The following PRKCA variants were observed in gnomAD, a reference collection of about 807,000 sequenced individuals.
PRKCA encodes the protein protein kinase C alpha, also known as protein kinase C alpha type.
In PRKCA, 27 loss-of-function variants were observed where a neutral mutation model predicts 87.0. The ratio of observed to expected loss-of-function variants is 0.31; its 90% confidence interval spans 0.23 to 0.43. The LOEUF (loss-of-function observed/expected upper bound fraction) is 0.43, where lower values mean the gene tolerates loss of function less well. PRKCA is among the 20% of genes least tolerant of loss of function. The pLI is 1.00. For synonymous variants in PRKCA, 329 were observed against 311.1 expected, an observed-to-expected ratio of 1.06 and a Z score of -0.61; for missense variants, 518 against 852.3, an observed-to-expected ratio of 0.61 and a Z score of 4.88.
intron 8 of PRKCA, among the ~76,000 whole-genome samples, chr17:66,720,721 G>C (rs1469263843): frequency 6.6e-6 from 1 of 152,212 alleles, no homozygotes; most frequent in African/African-American, 2.4e-5. Context: ...TGTGAATACA[G>C]AGGACTTTCA....
At chr17:66,752,017 G>A (rs1007445313) in intron 13 of PRKCA, among the ~76,000 whole-genome samples, 3 of 152,194 alleles carry the variant, frequency 2.0e-5, no homozygotes, top group African/African-American at 7.2e-5. Flanking sequence ...CTCCAGCACT[G>A]GGGATTACAT....
At chr17:66,418,692 C>T (rs943607891) in intron 2 of PRKCA, among the ~76,000 whole-genome samples, 2 of 152,032 alleles carry the variant, frequency 1.3e-5, no homozygotes, top group Non-Finnish European at 2.9e-5. Flanking sequence ...CAGCCCCAGC[C>T]TCCTAAAGTG....
intron 3 of PRKCA, among the ~76,000 whole-genome samples, chr17:66,560,087 A>T (rs1968632628): frequency 6.6e-6 from 1 of 152,156 alleles, no homozygotes; most frequent in Admixed American, 6.5e-5. Context: ...CTCAGAAGTG[A>T]GGATGTGTTC....
chr17:66,803,930 A>T lies in PRKCA; in HGVS notation c.1912A>T (p.Thr638Ser). Reference sequence around the variant, plus strand: ...CTTCACACGAGGACAGCCCGTCTTAACACCACCTGATCAGCTGGTTATTGC... The same window carrying T: ...CTTCACACGAGGACAGCCCGTCTTATCACCACCTGATCAGCTGGTTATTGC... Reference protein sequence around the residue: ...KFFTRGQPVLTPPDQLVIANI... With the variant: ...KFFTRGQPVLSPPDQLVIANI... The change falls in exon 17 of 17, where the codon ACA becomes TCA. Residue 638 changes from threonine to serine, a missense_variant. Transcript: ENST00000413366. The surrounding 1 kb of genome is among the most constrained non-coding windows in gnomAD (Gnocchi z 4.4). 1 of 1,614,046 alleles carries T rather than the reference A, an allele frequency of 6.2e-7. No homozygotes were observed. The highest frequency in any genetic ancestry group is 8.5e-7 in the Non-Finnish European group (1 of 1,179,942).
chr17:66,473,478 C>A (rs1459125107), intron 2 of PRKCA, among the ~76,000 whole-genome samples: 1 of 152,200 alleles, frequency 6.6e-6, no homozygotes, highest in Non-Finnish European at 1.5e-5. Flanking sequence ...AAGAGGGTGT[C>A]TTGCAGCCTA....
chr17:66,388,829 C>T (rs1465475294), intron 2 of PRKCA, among the ~76,000 whole-genome samples: 1 of 152,114 alleles, frequency 6.6e-6, no homozygotes, highest in East Asian at 1.9e-4. Context: ...GAGTTGGAGA[C>T]AGTGTACCAG....
intron 3 of PRKCA, among the ~76,000 whole-genome samples, chr17:66,595,487 TC>T (rs1969947552): frequency 6.8e-6 from 1 of 147,838 alleles, no homozygotes; most frequent in Admixed American, 6.8e-5. Flanking sequence ...TTTGAGACAG[TC>T]TTGCTCTGTC....
At chr17:66,592,222 C>CTGT (rs899989955) in intron 3 of PRKCA, among the ~76,000 whole-genome samples, 1 of 151,166 alleles carries the variant, frequency 6.6e-6, no homozygotes, top group African/African-American at 2.4e-5. Context: ...GGGCATGGTG[C>CTGT]TACATGCCTG....
intron 12 of PRKCA, 50 bp downstream of exon 12, chr17:66,741,771 G>A: frequency 6.4e-7 from 1 of 1,553,028 alleles, no homozygotes; most frequent in African/African-American, 1.4e-5. Flanking sequence ...GGTTAGCTGG[G>A]CCTCTGTGGG....
chr17:66,417,204 CTT>C (rs537292524), intron 2 of PRKCA, among the ~76,000 whole-genome samples: 1 of 144,568 alleles, frequency 6.9e-6, no homozygotes, highest in African/African-American at 2.5e-5. Flanking sequence ...CCAGCCTGGC[CTT>C]TTTTTTTTTT....
intron 2 of PRKCA, among the ~76,000 whole-genome samples, chr17:66,442,043 C>T (rs1039904661): frequency 2.0e-5 from 3 of 151,480 alleles, no homozygotes; most frequent in African/African-American, 4.9e-5. Flanking sequence ...TCATGTTTTT[C>T]ATCATGATGT....
chr17:66,303,997 G>A (rs1351443529), intron 1 of PRKCA, among the ~76,000 whole-genome samples: 1 of 151,998 alleles, frequency 6.6e-6, no homozygotes, highest in East Asian at 1.9e-4. Context: ...GCGAGATTCC[G>A]TCTCAAAAAA....
At chr17:66,518,823 C>T (rs974296489) in intron 3 of PRKCA, among the ~76,000 whole-genome samples, 4 of 152,160 alleles carry the variant, frequency 2.6e-5, no homozygotes, top group Non-Finnish European at 5.9e-5. Flanking sequence ...CATTCTCTTT[C>T]CTGTGTGATG....
At chr17:66,594,608 T>TG (rs3064601) in intron 3 of PRKCA, among the ~76,000 whole-genome samples, 51,082 of 139,310 alleles carry the variant, frequency 0.37, 8,946 homozygotes, top group African/African-American at 0.46. Context: ...GTGCAACATG[T>TG]GGGTTTTTTT....
chr17:66,458,783 T>C (rs1567839807), intron 2 of PRKCA, among the ~76,000 whole-genome samples: 1 of 152,172 alleles, frequency 6.6e-6, no homozygotes, highest in Non-Finnish European at 1.5e-5. Flanking sequence ...GCCCTGCCCC[T>C]TTCAGAATCT....
At chr17:66,685,802 T>C (rs1972611752) in intron 5 of PRKCA, among the ~76,000 whole-genome samples, 1 of 152,240 alleles carries the variant, frequency 6.6e-6, no homozygotes, top group Non-Finnish European at 1.5e-5. Flanking sequence ...TCTTCTGTAA[T>C]TCTTAATTTA....
intron 8 of PRKCA, among the ~76,000 whole-genome samples, chr17:66,707,680 C>G (rs1973224385): frequency 6.6e-6 from 1 of 152,208 alleles, no homozygotes; most frequent in African/African-American, 2.4e-5. Flanking sequence ...GGGCTAGAGA[C>G]AGAACCTTGC....
At chr17:66,532,788 G>A (rs1215048542) in intron 3 of PRKCA, among the ~76,000 whole-genome samples, 1 of 152,180 alleles carries the variant, frequency 6.6e-6, no homozygotes, top group Non-Finnish European at 1.5e-5. Flanking sequence ...GTCAATTGCT[G>A]TGACCATGGA....
chr17:66,420,557 G>A (rs1449705244), intron 2 of PRKCA, among the ~76,000 whole-genome samples: 1 of 152,114 alleles, frequency 6.6e-6, no homozygotes, highest in African/African-American at 2.4e-5. Context: ...TATCAAATAG[G>A]CTTTGCATGA....
Sources: gnomAD v4.1 joint callset for allele counts (sites outside exome capture counted in the v4.1 genomes callset) on GRCh38, gnomAD v4.1.1 for gene constraint, Gnocchi (gnomAD v3.1) non-coding constraint, MANE v1.5 for transcripts, NCBI Gene and HGNC (gene_info 2026-07-23, HGNC 2026-07-21) for gene names.